The following HSPBAP1 variants were observed in gnomAD, a reference collection of about 807,000 sequenced individuals.
HSPBAP1 encodes the protein HSPB1 associated protein 1.
A neutral mutation model predicts 45.2 loss-of-function variants in HSPBAP1; 27 were observed. The ratio of observed to expected loss-of-function variants is 0.60; its 90% CI spans 0.44 to 0.82. HSPBAP1 has a LOEUF of 0.82. HSPBAP1 is among the 40% of genes least tolerant of loss of function. The pLI, the probability that HSPBAP1 is intolerant of heterozygous loss-of-function variation, is 0.00. For missense variants in HSPBAP1, 510 were observed against 590.9 expected (o/e 0.86, Z 1.42); for synonymous variants, 204 against 202.7 (o/e 1.01, Z -0.06).
chr3:122,758,627 A>G (rs1934440860), intron 4 of HSPBAP1: 1 of 395,600 alleles, frequency 2.5e-6, no homozygotes. Flanking sequence ...AAGAAAAGCT[A>G]AGCATAGGCT....
At chr3:122,783,493 T>C (rs1037876452) in intron 1 of HSPBAP1, among the ~76,000 whole-genome samples, 1 of 152,156 alleles carries the variant, frequency 6.6e-6, no homozygotes, top group Non-Finnish European at 1.5e-5. Flanking sequence ...CCTCTTAAAG[T>C]CTCTAGCTGA....
In HSPBAP1 at chr3:122,753,824, T is replaced by C. The variant is rs1394040475; in HGVS notation, c.742-1150A>G. ...TAAAGTGGTGACAGAAAGAGCTGGG[T>C]TTGAGTGGATTAAAGAATGGATAGG... On this transcript the variant is annotated intron_variant, in intron 5 of 7. Transcript: ENST00000306103. 3.0e-6 allele frequency: 3 copies of C among 984,776 alleles called. No individual in the cohort carries two copies. The African/African-American group carries it at 5.2e-5, about 17-fold the overall frequency. 61.0% of individuals were successfully genotyped at this position (984,776 alleles called of 1,614,324 possible). A position where few individuals can be genotyped will look rare whatever the true frequency, so the allele number is the denominator to read the frequency against.
At chr3:122,790,423 C>A (rs1182242108) in intron 1 of HSPBAP1, among the ~76,000 whole-genome samples, 1 of 152,174 alleles carries the variant, frequency 6.6e-6, no homozygotes, top group Admixed American at 6.5e-5. Flanking sequence ...GAAGCACAAA[C>A]CAACCCAATT....
chr3:122,792,184 T>TA (rs1935852614), intron 1 of HSPBAP1, among the ~76,000 whole-genome samples: 1 of 152,226 alleles, frequency 6.6e-6, no homozygotes, highest in South Asian at 2.1e-4. Context: ...CTCAAGCCCA[T>TA]ACTGACTGAA....
intron 3 of HSPBAP1, among the ~76,000 whole-genome samples, chr3:122,764,045 C>T (rs1442004382): frequency 6.6e-6 from 1 of 152,214 alleles, no homozygotes; most frequent in Non-Finnish European, 1.5e-5. Flanking sequence ...ACCGCTTGTC[C>T]CCATATCCAT....
At chr3:122,777,426 C>T (rs976009737) in intron 2 of HSPBAP1, among the ~76,000 whole-genome samples, 1 of 152,150 alleles carries the variant, frequency 6.6e-6, no homozygotes, top group African/African-American at 2.4e-5. Flanking sequence ...AAGTGTCTAA[C>T]ATTTAATGAA....
intron 6 of HSPBAP1, among the ~76,000 whole-genome samples, chr3:122,746,726 C>T (rs1933874161): frequency 6.6e-6 from 1 of 151,976 alleles, no homozygotes; most frequent in Admixed American, 6.5e-5. Flanking sequence ...TGTACTGCTG[C>T]CATCTCGGCT....
chr3:122,746,732 C>T (rs112352055), intron 6 of HSPBAP1, among the ~76,000 whole-genome samples: 24,571 of 151,646 alleles, frequency 0.16, 2,059 homozygotes, highest in African/African-American at 0.2. Flanking sequence ...GCTGCCATCT[C>T]GGCTCACTGC....
At chr3:122,779,960 C>T (rs1935353910) in intron 1 of HSPBAP1, among the ~76,000 whole-genome samples, 1 of 152,000 alleles carries the variant, frequency 6.6e-6, no homozygotes, top group Non-Finnish European at 1.5e-5. Context: ...CCCCACCTTT[C>T]CCCCCTTTCC....
At chr3:122,751,126 T>C (rs1411907334) in intron 6 of HSPBAP1, among the ~76,000 whole-genome samples, 2 of 152,138 alleles carry the variant, frequency 1.3e-5, no homozygotes, top group Admixed American at 6.5e-5. Flanking sequence ...TCATGTGGGG[T>C]AGAAATCTTA....
intron 2 of HSPBAP1, 70 bp from the exon 3 acceptor site, chr3:122,768,952 AATAAAG>A: frequency 1.8e-6 from 2 of 1,102,320 alleles, no homozygotes; most frequent in Non-Finnish European, 2.5e-6. Flanking sequence ...TTTTTTTTAA[AATAAAG>A]ATAATTTCAA....
intron 5 of HSPBAP1, 73 bp downstream of exon 5, chr3:122,755,187 C>A: frequency 7.6e-7 from 1 of 1,308,458 alleles, no homozygotes; most frequent in Non-Finnish European, 1.0e-6. Context: ...GGGAAGCACA[C>A]AGCATAAGGA....
At chr3:122,786,643 T>A (rs1935666011) in intron 1 of HSPBAP1, among the ~76,000 whole-genome samples, 1 of 152,240 alleles carries the variant, frequency 6.6e-6, no homozygotes, top group Non-Finnish European at 1.5e-5. Flanking sequence ...GATTATTTAA[T>A]AGGAGACCTC....
intron 1 of HSPBAP1, among the ~76,000 whole-genome samples, chr3:122,785,596 C>G (rs60645455): frequency 0.042 from 6,427 of 152,198 alleles, 449 homozygotes; most frequent in African/African-American, 0.14. Flanking sequence ...CCCATGCTGT[C>G]TTTGGAGTTG....
In HSPBAP1 at chr3:122,752,571, A is replaced by AC. The variant is rs201237964; in HGVS notation, c.825+19_825+20insG. Reference sequence around the variant, plus strand: ...GATTTGCACTTACTTAAAAAAAAAAAAAAAACAACGAAAAAGTACCAGTTC... The same window carrying AC: ...GATTTGCACTTACTTAAAAAAAAAAACAAAAACAACGAAAAAGTACCAGTTC... On this transcript the variant is annotated intron_variant, in intron 6 of 7. Transcript: ENST00000306103. 2.3e-3 allele frequency: 3,523 copies of AC among 1,508,900 alleles called. 69 individuals carry two copies. In the African/African-American group the frequency reaches 0.044, roughly 19 times the overall value. The allele number at this position is 1,508,900 out of a possible 1,614,324, so 93.5% of individuals were successfully genotyped here.
chr3:122,785,392 A>C (rs770212187), intron 1 of HSPBAP1, among the ~76,000 whole-genome samples: 1 of 152,184 alleles, frequency 6.6e-6, no homozygotes, highest in Non-Finnish European at 1.5e-5. Context: ...GTTTAGCAAG[A>C]ATTGCCCCCA....
At chr3:122,745,471 A>G (rs1933814605) in intron 6 of HSPBAP1, among the ~76,000 whole-genome samples, 1 of 152,164 alleles carries the variant, frequency 6.6e-6, no homozygotes, top group Admixed American at 6.5e-5. Flanking sequence ...GGGCAATCTC[A>G]GTCAGAAAAT....
intron 3 of HSPBAP1, 110 bp from the exon 4 acceptor site, chr3:122,759,470 T>C: frequency 2.6e-6 from 3 of 1,169,472 alleles, no homozygotes; most frequent in South Asian, 2.8e-5. Flanking sequence ...AATATTCTAT[T>C]ATGGAAAATG....
chr3:122,744,770 T>G (rs1277293508), intron 6 of HSPBAP1, among the ~76,000 whole-genome samples: 1 of 152,220 alleles, frequency 6.6e-6, no homozygotes, highest in Non-Finnish European at 1.5e-5. Flanking sequence ...TGTGGTGAAG[T>G]CTTTCATGTT....
Sources: allele counts gnomAD v4.1 joint callset (sites outside exome capture counted in the v4.1 genomes callset), GRCh38; gene constraint gnomAD v4.1.1; transcripts MANE v1.5; gene names NCBI Gene and HGNC (gene_info 2026-07-23, HGNC 2026-07-21).